Variants in GPC5 observed in about 807,000 individuals in gnomAD.
GPC5 encodes the protein glypican 5.
A neutral mutation model predicts 53.9 loss-of-function variants in GPC5; 47 were observed. The observed-to-expected ratio is 0.87, with a 90% CI of 0.69 to 1.11. GPC5 has a LOEUF of 1.11. Ranked by LOEUF, GPC5 falls within the 50% of genes most tolerant of loss-of-function variation. GPC5 has a pLI of 0.00. For missense variants in GPC5, 748 were observed against 713.1 expected (o/e 1.05, Z -0.56); for synonymous variants, 286 against 263.3 (o/e 1.09, Z -0.84).
chr13:91,578,304 C>T (rs2032214255), intron 2 of GPC5, among the ~76,000 whole-genome samples: 1 of 152,216 alleles, frequency 6.6e-6, no homozygotes, highest in Non-Finnish European at 1.5e-5. Context: ...CTCCCAAATT[C>T]CTGATCCACA....
chr13:91,972,392 C>G (rs1352090332), intron 6 of GPC5, among the ~76,000 whole-genome samples: 3 of 152,156 alleles, frequency 2.0e-5, no homozygotes, highest in Non-Finnish European at 2.9e-5. Context: ...CTGAATACAG[C>G]ACACTGATGG....
At chr13:91,551,501 C>T (rs1370861776) in intron 2 of GPC5, among the ~76,000 whole-genome samples, 1 of 151,924 alleles carries the variant, frequency 6.6e-6, no homozygotes, top group East Asian at 1.9e-4. Context: ...AATATATGTG[C>T]AAATACTTGG....
chr13:92,227,228 A>G (rs1265413089), intron 7 of GPC5, among the ~76,000 whole-genome samples: 1 of 152,202 alleles, frequency 6.6e-6, no homozygotes. Flanking sequence ...TAATGTCTAC[A>G]GATTGAACAT....
At chr13:91,789,075 A>G (rs345447) in intron 5 of GPC5, among the ~76,000 whole-genome samples, 54,845 of 151,934 alleles carry the variant, frequency 0.36, 11,212 homozygotes, top group African/African-American at 0.56. Context: ...TTAGCTGGGC[A>G]TGGTGGCACG....
At position 92,165,462 on chromosome 13, in the gene GPC5, C is replaced by A. The variant is rs568455682; in HGVS notation, c.1561+20473C>A. On this transcript the variant is annotated intron_variant, in intron 7 of 7. Transcript: ENST00000377067. ...CACAGTTCCACATGGCTGGGGAGGC[C>A]TCAGAAACTTACAATCATGGCAGAA... is the stretch of plus-strand genomic sequence containing the variant. Among the ~76,000 whole-genome samples, 11 of 152,146 alleles carry A rather than the reference C, an allele frequency of 7.2e-5. No homozygotes were observed. In the South Asian group the frequency reaches 1.5e-3, roughly 20 times the overall value.
chr13:92,855,188 A>AT (rs764122187), intron 7 of GPC5, among the ~76,000 whole-genome samples: 24 of 152,126 alleles, frequency 1.6e-4, no homozygotes, highest in Non-Finnish European at 2.7e-4. Context: ...AATGACTAGT[A>AT]TATATAGCAC....
rs140151537 is a variant in GPC5, at chr13:91,719,159, G to A, written c.1021-9373G>A. 4.8e-3 allele frequency among the ~76,000 whole-genome samples: 737 copies of A among 152,296 alleles called. 15 individuals carry two copies. The highest frequency in any genetic ancestry group is 3.8e-3 in the Non-Finnish European group (261 of 68,020). On this transcript the variant is annotated intron_variant, in intron 3 of 7. Coordinates refer to ENST00000377067, the MANE Select transcript of GPC5 (RefSeq NM_004466.6). ...TTTTGCAAATGTCAAAGGATGGACA[G>A]AGCTTGCAAGTGAATTGATTAAGGT...
intron 7 of GPC5, among the ~76,000 whole-genome samples, chr13:92,500,151 A>G (rs1257216172): frequency 6.6e-6 from 1 of 152,172 alleles, no homozygotes; most frequent in Non-Finnish European, 1.5e-5. Flanking sequence ...CCTGTCATCT[A>G]GGCTTGAGAA....
intron 7 of GPC5, among the ~76,000 whole-genome samples, chr13:92,380,292 C>G: frequency 6.6e-6 from 1 of 152,116 alleles, no homozygotes; most frequent in East Asian, 1.9e-4. Context: ...CCCTCTCCAT[C>G]CCCAAATAAT....
chr13:92,651,855 GTATAATTATGCAGC>G (rs1885969816), intron 7 of GPC5, among the ~76,000 whole-genome samples: 1 of 151,992 alleles, frequency 6.6e-6, no homozygotes, highest in African/African-American at 2.4e-5. Context: ...AATTAAAGTA[GTATAATTATGCAGC>G]TGATGCTATA....
chr13:92,642,931 C>A (rs1401938524), intron 7 of GPC5, among the ~76,000 whole-genome samples: 1 of 152,172 alleles, frequency 6.6e-6, no homozygotes, highest in Non-Finnish European at 1.5e-5. Context: ...TAGGTATTTG[C>A]AGTGCTACAA....
intron 7 of GPC5, among the ~76,000 whole-genome samples, chr13:92,754,124 G>A (rs1024721973): frequency 8.5e-5 from 13 of 152,268 alleles, no homozygotes; most frequent in Non-Finnish European, 1.3e-4. Context: ...GACTAACAGC[G>A]GATCTCTCGG....
chr13:91,721,779 A>T (rs17333980), intron 3 of GPC5, among the ~76,000 whole-genome samples: 8,619 of 152,272 alleles, frequency 0.057, 322 homozygotes, highest in Middle Eastern at 0.085. Flanking sequence ...ATTATTCAGA[A>T]CATAACCTAA....
At chr13:91,943,517 A>T (rs555971188) in intron 6 of GPC5, among the ~76,000 whole-genome samples, 1 of 152,220 alleles carries the variant, frequency 6.6e-6, no homozygotes, top group African/African-American at 2.4e-5. Flanking sequence ...TGATTGATGA[A>T]TTTTTACTGA....
At chr13:92,702,439 C>A (rs1158388601) in intron 7 of GPC5, among the ~76,000 whole-genome samples, 1 of 152,100 alleles carries the variant, frequency 6.6e-6, no homozygotes, top group East Asian at 1.9e-4. Flanking sequence ...TATTCACCTT[C>A]CTTTCAAACT....
Position 92,605,626 on chromosome 13 carries a change from A to G in GPC5, c.1562-260656A>G, listed in dbSNP as rs1884227330. ...GAGACGGAGTCTCGCTCTGTCGCCC[A>G]GGCCGGACTGCGGACTGCAGTGGCG... On this transcript the variant is annotated intron_variant, in intron 7 of 7. Coordinates refer to ENST00000377067, the MANE Select transcript of GPC5 (RefSeq NM_004466.6). Among the ~76,000 whole-genome samples the G allele has an allele frequency of 2.1e-5, 3 of 143,294 alleles. No individual in the cohort carries two copies. The South Asian group carries it at 6.3e-4, about 30-fold the overall frequency. 94.0% of individuals were successfully genotyped at this position (143,294 alleles called of 152,430 possible).
intron 7 of GPC5, among the ~76,000 whole-genome samples, chr13:92,237,759 A>G (rs970197097): frequency 2.0e-5 from 3 of 152,136 alleles, no homozygotes; most frequent in Non-Finnish European, 4.4e-5. Context: ...AAACACTACC[A>G]CAATAAATTT....
intron 7 of GPC5, among the ~76,000 whole-genome samples, chr13:92,379,776 G>A (rs1056879608): frequency 1.3e-5 from 2 of 152,070 alleles, no homozygotes; most frequent in Non-Finnish European, 2.9e-5. Flanking sequence ...TCCTCTCTGT[G>A]TCCTCAAATG....
intron 7 of GPC5, among the ~76,000 whole-genome samples, chr13:92,822,801 G>A (rs1448052252): frequency 3.9e-5 from 6 of 152,038 alleles, no homozygotes; most frequent in Non-Finnish European, 7.4e-5. Context: ...TGTATCTTAC[G>A]GAAATCAAAA....
Sources: allele counts gnomAD v4.1 joint callset (sites outside exome capture counted in the v4.1 genomes callset), GRCh38; gene constraint gnomAD v4.1.1; transcripts MANE v1.5; gene names NCBI Gene and HGNC (gene_info 2026-07-23, HGNC 2026-07-21).